The following CADM1 variants were observed in gnomAD, a reference collection of about 807,000 sequenced individuals.
The protein encoded by CADM1 is TSLC-1.
CADM1 carries 15 observed loss-of-function variants against 53.1 expected under a neutral mutation model. The observed-to-expected ratio is 0.28, with a 90% confidence interval of 0.19 to 0.44. The LOEUF (loss-of-function observed/expected upper bound fraction) is 0.44. Ranked by LOEUF, CADM1 falls within the 20% of genes least tolerant of loss-of-function variation. CADM1 has a pLI of 1.00. For missense variants in CADM1, 434 were observed against 611.3 expected (o/e 0.71, Z 3.06); for synonymous variants, 281 against 243.0 (o/e 1.16, Z -1.45).
chr11:115,238,707 T>A (rs1445118470), intron 2 of CADM1, 55 bp from the exon 3 acceptor site: 1 of 1,565,664 alleles, frequency 6.4e-7, no homozygotes, highest in Non-Finnish European at 8.8e-7. Context: ...GACAGTCTAT[T>A]TTCCTTAATT....
intron 1 of CADM1, among the ~76,000 whole-genome samples, chr11:115,339,536 A>G (rs1318657064): frequency 6.6e-6 from 1 of 152,160 alleles, no homozygotes; most frequent in Non-Finnish European, 1.5e-5. Flanking sequence ...TGTAATCATA[A>G]CTTCATGGAG....
In CADM1 at chr11:115,175,813, G is replaced by C; in HGVS notation, c.*661C>G. 1 of 992,224 alleles carries C rather than the reference G, an allele frequency of 1.0e-6. No individual in the cohort carries two copies. The highest frequency in any genetic ancestry group is 1.2e-6 in the Non-Finnish European group (1 of 833,906). The allele number at this position is 992,224 out of a possible 1,614,324, so 61.5% of individuals were successfully genotyped here. On this transcript the variant is annotated 3_prime_UTR_variant, in exon 12 of 12. Coordinates refer to ENST00000331581, the MANE Select transcript of CADM1 (RefSeq NM_001301043.2). ...TTCTGAATCACAGTCTAATTTTCTA[G>C]TCTTCACTGCTCTAAGTATTTGAAA... is the stretch of plus-strand genomic sequence containing the variant.
chr11:115,229,229 G>A lies in CADM1; in HGVS notation c.605C>T (p.Thr202Ile), dbSNP rs1370950418. 2 of 1,613,986 alleles carry A rather than the reference G, an allele frequency of 1.2e-6. No homozygotes were observed. Among genetic ancestry groups the A allele is most frequent in the African/African-American group, 1.3e-5 (1 of 74,928 alleles). Residue 202 changes from threonine to isoleucine, a missense_variant, in exon 5 of 12, where the codon ACC (threonine) becomes ATC (isoleucine). Around this residue, in one of 4 missense-constraint regions of CADM1, gnomAD observed 311 missense variants for 435.1 expected, o/e 0.71. Transcript: ENST00000331581. Reference sequence around the variant, plus strand: ...GTGCACCTTCAGCATCAGCTGACTGGTCACAGTGTACATGTCTGACCACTC... The same window carrying A: ...GTGCACCTTCAGCATCAGCTGACTGATCACAGTGTACATGTCTGACCACTC... ...VEEWSDMYTV[T>I]SQLMLKVHKE...
At chr11:115,487,578 T>C (rs1281166329) in intron 1 of CADM1, among the ~76,000 whole-genome samples, 1 of 152,206 alleles carries the variant, frequency 6.6e-6, no homozygotes, top group Admixed American at 6.5e-5. Context: ...GCTACTATCT[T>C]AGTCTGAAAT....
intron 1 of CADM1, among the ~76,000 whole-genome samples, chr11:115,493,640 G>C (rs1340832171): frequency 6.6e-6 from 1 of 152,140 alleles, no homozygotes; most frequent in Non-Finnish European, 1.5e-5. Flanking sequence ...GATCAAGCTA[G>C]TAATAGGGCA....
At chr11:115,332,231 A>C (rs920595756) in intron 1 of CADM1, among the ~76,000 whole-genome samples, 1 of 152,168 alleles carries the variant, frequency 6.6e-6, no homozygotes, top group African/African-American at 2.4e-5. Flanking sequence ...CAGAACAAGG[A>C]ATGGAACAAG....
chr11:115,320,174 C>G (rs1362832527), intron 1 of CADM1, among the ~76,000 whole-genome samples: 1 of 152,082 alleles, frequency 6.6e-6, no homozygotes, highest in Non-Finnish European at 1.5e-5. Flanking sequence ...GCGATCCTCT[C>G]ACCTCAGGCT....
At position 115,391,739 on chromosome 11, in the gene CADM1, A is replaced by G. The variant is rs2135184530; in HGVS notation, c.124+112532T>C. ...GATTCACACTGACAAAACTTCTCTT[A>G]CAGCTATGCACATTCTGACATACAA... On this transcript the variant is annotated intron_variant, in intron 1 of 11. Transcript: ENST00000331581. Among the ~76,000 whole-genome samples, 3 of 152,326 alleles carry G rather than the reference A, an allele frequency of 2.0e-5. No homozygotes were observed. The South Asian group carries it at 6.2e-4, about 32-fold the overall frequency.
rs200051854 is a variant in CADM1, at chr11:115,238,481, C to A, written c.424+19G>T. The stretch of plus-strand genomic sequence containing the variant: ...TCTCTATTCCATTTCCCCGGGTAAG[C>A]CCCACATGCGTTTCTTACCCAGGAC... On this transcript the variant is annotated intron_variant, in intron 3 of 11. Coordinates refer to ENST00000331581, the MANE Select transcript of CADM1 (RefSeq NM_001301043.2). 1 of 1,613,128 alleles carries A rather than the reference C, an allele frequency of 6.2e-7. No homozygotes were observed. Among genetic ancestry groups the A allele is most frequent in the South Asian group, 1.1e-5 (1 of 91,050 alleles).
At chr11:115,360,539 C>T (rs563352078) in intron 1 of CADM1, among the ~76,000 whole-genome samples, 19 of 152,288 alleles carry the variant, frequency 1.2e-4, no homozygotes, top group Admixed American at 7.2e-4. Context: ...TAAGCGACTA[C>T]GGCAGATGAA....
chr11:115,403,463 T>C (rs1947215505), intron 1 of CADM1, among the ~76,000 whole-genome samples: 1 of 152,250 alleles, frequency 6.6e-6, no homozygotes, highest in Non-Finnish European at 1.5e-5. Flanking sequence ...ACTTTCTGAC[T>C]TGATGGTTCT....
At chr11:115,455,235 T>G (rs540767111) in intron 1 of CADM1, among the ~76,000 whole-genome samples, 2 of 152,096 alleles carry the variant, frequency 1.3e-5, no homozygotes, top group African/African-American at 4.8e-5. Context: ...AACAGAAACT[T>G]AAAAGACCGC....
intron 1 of CADM1, among the ~76,000 whole-genome samples, chr11:115,262,534 C>T (rs1943007249): frequency 1.3e-5 from 2 of 152,208 alleles, no homozygotes; most frequent in South Asian, 2.1e-4. Flanking sequence ...AGCACTTATT[C>T]AAACCTCTGC....
intron 1 of CADM1, among the ~76,000 whole-genome samples, chr11:115,300,837 G>A (rs1944201434): frequency 6.6e-6 from 1 of 152,062 alleles, no homozygotes; most frequent in Non-Finnish European, 1.5e-5. Flanking sequence ...TATGCATGTA[G>A]GCTCTGGTCA....
intron 1 of CADM1, among the ~76,000 whole-genome samples, chr11:115,368,930 A>G (rs10466583): frequency 0.5 from 74,594 of 149,862 alleles, 19,278 homozygotes; most frequent in Non-Finnish European, 0.59. Context: ...AGTCAAGGTG[A>G]CTAATGGCTA....
At chr11:115,206,950 T>C (rs1244035575) in intron 8 of CADM1, among the ~76,000 whole-genome samples, 1 of 151,850 alleles carries the variant, frequency 6.6e-6, no homozygotes, top group Non-Finnish European at 1.5e-5. Flanking sequence ...TAGGAACTAA[T>C]CTAAATCTAG....
intron 1 of CADM1, among the ~76,000 whole-genome samples, chr11:115,305,233 C>A (rs1001080021): frequency 1.3e-5 from 2 of 151,990 alleles, no homozygotes; most frequent in Admixed American, 1.3e-4. Flanking sequence ...CTAGCCTCAC[C>A]TGCCATGCAA....
At chr11:115,243,312 C>T (rs1338107079) in intron 1 of CADM1, among the ~76,000 whole-genome samples, 2 of 152,180 alleles carry the variant, frequency 1.3e-5, no homozygotes, top group Non-Finnish European at 2.9e-5. Context: ...AATGCCAATT[C>T]CTAGCTATGT....
At chr11:115,416,342 C>A (rs563047235) in intron 1 of CADM1, among the ~76,000 whole-genome samples, 1 of 152,224 alleles carries the variant, frequency 6.6e-6, no homozygotes, top group Non-Finnish European at 1.5e-5. Context: ...CAATATATTT[C>A]TATTTTAGCC....
Sources: gnomAD v4.1 joint callset for allele counts (sites outside exome capture counted in the v4.1 genomes callset) on GRCh38, gnomAD v4.1.1 for gene constraint, gnomAD v4.1.1 regional missense constraint, MANE v1.5 for transcripts, NCBI Gene and HGNC (gene_info 2026-07-23, HGNC 2026-07-21) for gene names.